ABCG8: variants seen among roughly 807,000 people sequenced by gnomAD.
ABCG8 encodes ATP binding cassette subfamily G member 8.
A neutral mutation model predicts 71.3 loss-of-function variants in ABCG8; 81 were observed. The ratio of observed to expected loss-of-function variants is 1.14; its 90% CI spans 0.95 to 1.37. ABCG8 has a LOEUF of 1.37. Among genes scored for constraint, ABCG8 ranks in the 40% most tolerant of loss-of-function variants. The pLI is 0.00. For synonymous variants in ABCG8, 451 were observed against 354.7 expected (o/e 1.27, Z -3.05); for missense variants, 1,119 against 866.2 (o/e 1.29, Z -3.66).
At position 43,879,560 on chromosome 2, in the gene ABCG8, A is replaced by G. The variant is rs896294647; in HGVS notation, c.*1647A>G. 6.6e-6 allele frequency: 1 copy of G among 152,228 alleles called. No individual in the cohort carries two copies. The highest frequency in any genetic ancestry group is 2.4e-5 in the African/African-American group (1 of 41,458). The allele number at this position is 152,228 out of a possible 1,614,324, so 9.4% of individuals were successfully genotyped here. On this transcript the variant is annotated 3_prime_UTR_variant, in exon 13 of 13. Transcript: ENST00000272286. ...CAACACTCAGGATGCTTGCACGGTC[A>G]TGTTGCCACCATCCAACCTGCAGAC...
In ABCG8 at chr2:43,872,238, A is replaced by G. The variant is rs748235816; in HGVS notation, c.1143A>G (p.Leu381=). The G allele has an allele frequency of 2.5e-6, 4 of 1,613,998 alleles. No individual in the cohort carries two copies. The highest frequency in any genetic ancestry group is 3.4e-6 in the Non-Finnish European group (4 of 1,180,030). The change falls in exon 8 of 13, where the codon CTA becomes CTG. Residue 381 remains leucine, a synonymous_variant. Coordinates refer to ENST00000272286, the MANE Select transcript of ABCG8 (RefSeq NM_022437.3). ...TGCCTCCCAGCAGCGTGACCCCACT[A>G]GACACCAACTGCCTCCCGAGTCCTA... ...DTCVESSVTP[L]DTNCLPSPTK... is the part of the protein sequence containing the mutation.
chr2:43,855,305 G>C (rs986367750), intron 6 of ABCG8, among the ~76,000 whole-genome samples: 1 of 152,120 alleles, frequency 6.6e-6, no homozygotes, highest in African/African-American at 2.4e-5. Context: ...TATCGAGATA[G>C]AATACTCACT....
At chr2:43,876,165 AT>A (rs1302409786) in intron 11 of ABCG8, among the ~76,000 whole-genome samples, 1 of 151,950 alleles carries the variant, frequency 6.6e-6, no homozygotes, top group Non-Finnish European at 1.5e-5. Flanking sequence ...ACGTGCAGGG[AT>A]GCCTCATCAC....
intron 3 of ABCG8, among the ~76,000 whole-genome samples, chr2:43,848,811 T>G (rs1329435185): frequency 6.6e-6 from 1 of 150,808 alleles, no homozygotes; most frequent in East Asian, 1.9e-4. Context: ...AGGTCAGGAG[T>G]TCGAGACCAG....
intron 1 of ABCG8, 21 bp downstream of exon 1, chr2:43,839,137 C>G: frequency 6.4e-7 from 1 of 1,550,840 alleles, no homozygotes; most frequent in Non-Finnish European, 8.7e-7. Context: ...AATGGGAAGT[C>G]GGCCCAGGCC....
intron 6 of ABCG8, among the ~76,000 whole-genome samples, chr2:43,866,936 G>A (rs1669550063): frequency 6.6e-6 from 1 of 150,750 alleles, no homozygotes; most frequent in South Asian, 2.1e-4. Flanking sequence ...GCAAAGACTT[G>A]GAACCAACCC....
intron 3 of ABCG8, chr2:43,848,200 G>A (rs1489698034): frequency 6.6e-6 from 1 of 152,196 alleles, no homozygotes; most frequent in Non-Finnish European, 1.5e-5. Context: ...AGCAAATAGT[G>A]ATTAATGAAT....
intron 8 of ABCG8, among the ~76,000 whole-genome samples, chr2:43,872,627 C>G (rs1179926036): frequency 6.6e-6 from 1 of 152,040 alleles, no homozygotes; most frequent in Non-Finnish European, 1.5e-5. Context: ...GGGAGGATTG[C>G]TTGATTCCTG....
At position 43,880,570 on chromosome 2, in the gene ABCG8, C is replaced by G. The variant is rs1480462980; in HGVS notation, c.*2657C>G. 2 of 151,566 alleles carry G rather than the reference C, an allele frequency of 1.3e-5. No homozygotes were observed. Among genetic ancestry groups the G allele is most frequent in the Admixed American group, 6.6e-5 (1 of 15,186 alleles). The allele number at this position is 151,566 out of a possible 1,614,324, so 9.4% of individuals were successfully genotyped here. A position where few individuals can be genotyped will look rare whatever the true frequency, so the allele number is the denominator to read the frequency against. Reference sequence around the variant, plus strand: ...CTTAGTGGAAAATGGTATTTAGAAGCCAAGGTTTTGGTGATAAGTATGCTC... The same window carrying G: ...CTTAGTGGAAAATGGTATTTAGAAGGCAAGGTTTTGGTGATAAGTATGCTC... On this transcript the variant is annotated 3_prime_UTR_variant, in exon 13 of 13. Transcript: ENST00000272286.
intron 1 of ABCG8, 105 bp downstream of exon 1, chr2:43,839,221 T>G: frequency 8.0e-7 from 1 of 1,247,202 alleles, no homozygotes; most frequent in Non-Finnish European, 1.1e-6. Flanking sequence ...CACCCGGACA[T>G]CAAGCAGTGT....
At chr2:43,863,005 G>GGATA (rs994441354) in intron 6 of ABCG8, among the ~76,000 whole-genome samples, 1 of 150,870 alleles carries the variant, frequency 6.6e-6, no homozygotes, top group Admixed American at 6.6e-5. Flanking sequence ...CTCACTATCT[G>GGATA]GATAGATTTC....
At position 43,878,289 on chromosome 2, in the gene ABCG8, C is replaced by T. The variant is rs185047582; in HGVS notation, c.*376C>T. 2.3e-4 allele frequency: 77 copies of T among 331,980 alleles called. No individual in the cohort carries two copies. Among genetic ancestry groups the T allele is most frequent in the Admixed American group, 5.2e-4 (13 of 25,188 alleles). 20.6% of individuals were successfully genotyped at this position (331,980 alleles called of 1,614,324 possible). The stretch of plus-strand genomic sequence containing the variant: ...AGGAATTGTTGGAACCTGGAGGGAA[C>T]AATAACAGTAGCTAGCAGATTTGGC... On this transcript the variant is annotated 3_prime_UTR_variant, in exon 13 of 13. Coordinates refer to ENST00000272286, the MANE Select transcript of ABCG8 (RefSeq NM_022437.3).
intron 6 of ABCG8, among the ~76,000 whole-genome samples, chr2:43,870,252 A>G (rs1000748777): frequency 2.0e-5 from 3 of 151,626 alleles, no homozygotes; most frequent in Non-Finnish European, 1.5e-5. Flanking sequence ...TAGAACTAGC[A>G]CTATCTGGGT....
intron 1 of ABCG8, among the ~76,000 whole-genome samples, chr2:43,839,453 G>C (rs1293850021): frequency 1.2e-5 from 1 of 85,962 alleles, no homozygotes; most frequent in Admixed American, 2.0e-4. Flanking sequence ...TTGAGACGGA[G>C]TCTCGCTCTG....
chr2:43,845,096 GTGTA>G (rs35567929), intron 2 of ABCG8, among the ~76,000 whole-genome samples: 7,149 of 134,580 alleles, frequency 0.053, 226 homozygotes, highest in Middle Eastern at 0.13. Context: ...GTGTGTGTGT[GTGTA>G]TATATATATA....
intron 6 of ABCG8, among the ~76,000 whole-genome samples, chr2:43,857,936 C>T (rs1276291858): frequency 1.3e-5 from 2 of 151,618 alleles, no homozygotes; most frequent in African/African-American, 4.8e-5. Flanking sequence ...GGATAGAACT[C>T]TCACTATCTG....
intron 6 of ABCG8, among the ~76,000 whole-genome samples, chr2:43,862,833 GTCTGGATAGAATTCTCACTC>G (rs1572849866): frequency 6.7e-6 from 1 of 149,058 alleles, no homozygotes. Context: ...CTTACTAACT[GTCTGGATAGAATTCTCACTC>G]TCTGGATAGA....
intron 6 of ABCG8, among the ~76,000 whole-genome samples, chr2:43,865,057 T>C (rs1669476340): frequency 6.6e-6 from 1 of 151,962 alleles, no homozygotes; most frequent in Non-Finnish European, 1.5e-5. Context: ...ACTCTCTGGA[T>C]AGAACTCCCA....
intron 8 of ABCG8, among the ~76,000 whole-genome samples, chr2:43,873,462 G>A (rs181732118): frequency 2.0e-3 from 310 of 152,270 alleles, no homozygotes; most frequent in Middle Eastern, 3.4e-3. Flanking sequence ...AAAATGCTGG[G>A]ATTACAAGCG....
Sources: gnomAD v4.1 joint callset for allele counts (sites outside exome capture counted in the v4.1 genomes callset) on GRCh38, gnomAD v4.1.1 for gene constraint, MANE v1.5 for transcripts, NCBI Gene and HGNC (gene_info 2026-07-23, HGNC 2026-07-21) for gene names.